The following USP47 variants were observed in gnomAD, a reference collection of about 807,000 sequenced individuals.
USP47 encodes the protein ubiquitin specific peptidase 47.
A neutral mutation model predicts 165.1 loss-of-function variants in USP47; 35 were observed. That is an observed-to-expected ratio of 0.21 (90% CI 0.16 to 0.28). The LOEUF is 0.28. USP47 is among the 10% of genes least tolerant of loss of function. The pLI is 1.00. For missense variants in USP47, 1,277 were observed against 1,607.4 expected, an observed-to-expected ratio of 0.79 and a Z score of 3.52; for synonymous variants, 531 against 544.5, an observed-to-expected ratio of 0.98 and a Z score of 0.35.
chr11:11,858,133 C>G (rs1337571381), intron 1 of USP47, among the ~76,000 whole-genome samples: 1 of 152,170 alleles, frequency 6.6e-6, no homozygotes, highest in Non-Finnish European at 1.5e-5. Flanking sequence ...AGTGTACTTT[C>G]GTTTTCAGTA....
intron 14 of USP47, among the ~76,000 whole-genome samples, chr11:11,931,838 T>A (rs1020211352): frequency 1.3e-5 from 2 of 152,148 alleles, no homozygotes; most frequent in Non-Finnish European, 2.9e-5. Flanking sequence ...ATGCTTTGAG[T>A]TACATATGAA....
rs1412552702 is a variant in USP47, at chr11:11,888,303, AATAG to A, written c.358-3661_358-3658del. ...GTTGGTTTTTTGAAAAAATTAATAAAATAGATAAACTGCTAGTTAGACTAATAAG... is the reference window on the plus strand; with the variant it reads ...GTTGGTTTTTTGAAAAAATTAATAAAATAAACTGCTAGTTAGACTAATAAG... On this transcript the variant is annotated intron_variant, in intron 3 of 27. Transcript: ENST00000527733. Among the ~76,000 whole-genome samples, 3 of 152,160 alleles carry A rather than the reference AATAG, an allele frequency of 2.0e-5. No individual in the cohort carries two copies. In the East Asian group the frequency reaches 5.8e-4, roughly 29 times the overall value.
rs754190982 is a variant in USP47 at position 11,954,873 on chromosome 11, CAAATA to C, written c.3715-19_3715-15del. 1 of 1,607,622 alleles carries C rather than the reference CAAATA, an allele frequency of 6.2e-7. No individual in the cohort carries two copies. Among genetic ancestry groups the C allele is most frequent in the South Asian group, 1.1e-5 (1 of 89,432 alleles). On this transcript the variant is annotated intron_variant, in intron 25 of 27. Transcript: ENST00000527733. ...AGCAAGTTAATTTTTTAAATGAACT[CAAATA>C]AAATGTTTTATTTTACAGCTTAGTG...
intron 1 of USP47, among the ~76,000 whole-genome samples, chr11:11,866,679 A>G (rs1382979810): frequency 2.6e-5 from 4 of 152,074 alleles, no homozygotes; most frequent in South Asian, 2.1e-4. Context: ...ATGATAATCT[A>G]TTGGTGACAG....
At chr11:11,908,793 G>C (rs1172962441) in intron 8 of USP47, among the ~76,000 whole-genome samples, 1 of 152,062 alleles carries the variant, frequency 6.6e-6, no homozygotes, top group Non-Finnish European at 1.5e-5. Flanking sequence ...ACTCATCCAA[G>C]TACGGAATCA....
At chr11:11,868,796 ATTT>A (rs1057490632) in intron 1 of USP47, among the ~76,000 whole-genome samples, 1 of 146,774 alleles carries the variant, frequency 6.8e-6, no homozygotes, top group South Asian at 2.1e-4. Flanking sequence ...TGATGTTGCT[ATTT>A]TTTTTTTATT....
intron 8 of USP47, among the ~76,000 whole-genome samples, chr11:11,908,514 T>A (rs1210967664): frequency 6.6e-6 from 1 of 152,044 alleles, no homozygotes. Context: ...TCAAATAAAT[T>A]AACTTGCAAA....
chr11:11,876,057 T>C (rs2134275795), intron 1 of USP47, among the ~76,000 whole-genome samples: 1 of 152,358 alleles, frequency 6.6e-6, no homozygotes, highest in Non-Finnish European at 1.5e-5. Flanking sequence ...AGTGTAATAT[T>C]GCTATGAGTT....
Position 11,903,358 on chromosome 11 carries a change from C to G in USP47, c.819+16C>G, listed in dbSNP as rs760428164. The G allele has an allele frequency of 6.9e-6, 11 of 1,602,350 alleles. No homozygotes were observed. The Admixed American group carries it at 1.7e-4, about 24-fold the overall frequency. On this transcript the variant is annotated intron_variant, in intron 7 of 27. Transcript: ENST00000527733. ...AACAGAACAGGTAATTTATATCTCT[C>G]AAATCAAGGGGACTGTTTCCTAATA...
At position 11,961,803 on chromosome 11, in the gene USP47, G is replaced by C. The variant is rs141532072; in HGVS notation, c.*5628G>C. ...CAGCTGTTGAGCAGTTTACCTGACGGCATCTGCCATGGCTTGGCAGGAACT... is the reference window on the plus strand; with the variant it reads ...CAGCTGTTGAGCAGTTTACCTGACGCCATCTGCCATGGCTTGGCAGGAACT... On this transcript the variant is annotated 3_prime_UTR_variant, in exon 28 of 28. Coordinates refer to ENST00000527733, the MANE Select transcript of USP47 (RefSeq NM_001282659.2). Among the ~76,000 whole-genome samples the C allele has an allele frequency of 8.6e-3, 1,303 of 152,362 alleles. 12 individuals carry two copies. Among genetic ancestry groups the C allele is most frequent in the African/African-American group, 0.03 (1,230 of 41,584 alleles).
intron 2 of USP47, among the ~76,000 whole-genome samples, chr11:11,881,278 G>A (rs1850809342): frequency 1.3e-5 from 2 of 152,068 alleles, no homozygotes; most frequent in African/African-American, 4.8e-5. Flanking sequence ...AGGGTTAGGA[G>A]CTGATCAGTA....
chr11:11,891,419 C>T (rs1209311761), intron 3 of USP47, among the ~76,000 whole-genome samples: 1 of 152,198 alleles, frequency 6.6e-6, no homozygotes, highest in Non-Finnish European at 1.5e-5. Context: ...TCATTAATTG[C>T]ATCATTTAGT....
intron 5 of USP47, among the ~76,000 whole-genome samples, chr11:11,902,363 A>G (rs1852284534): frequency 1.3e-5 from 2 of 152,192 alleles, no homozygotes; most frequent in Admixed American, 6.5e-5. Flanking sequence ...ATGCCGTAGT[A>G]TCTCACGTAA....
chr11:11,897,297 C>T (rs935016724), intron 4 of USP47, among the ~76,000 whole-genome samples: 1 of 151,584 alleles, frequency 6.6e-6, no homozygotes, highest in Non-Finnish European at 1.5e-5. Flanking sequence ...ATGTCTATGC[C>T]AGTAACACAT....
intron 14 of USP47, 31 bp from the exon 15 acceptor site, chr11:11,932,973 C>A (rs1219208990): frequency 2.6e-6 from 4 of 1,560,498 alleles, no homozygotes; most frequent in Non-Finnish European, 3.5e-6. Context: ...GTTTCAGTGA[C>A]ACTGTCTTAT....
At chr11:11,877,543 C>G (rs1219663068) in intron 1 of USP47, among the ~76,000 whole-genome samples, 1 of 152,020 alleles carries the variant, frequency 6.6e-6, no homozygotes, top group Non-Finnish European at 1.5e-5. Context: ...GTGTTCATCA[C>G]AGAATTATTT....
intron 3 of USP47, among the ~76,000 whole-genome samples, chr11:11,885,594 A>C (rs981497034): frequency 4.6e-5 from 7 of 152,130 alleles, no homozygotes; most frequent in Non-Finnish European, 8.8e-5. Context: ...AGCTATGTGG[A>C]ATCTTGGTAG....
intron 3 of USP47, among the ~76,000 whole-genome samples, chr11:11,887,119 T>C (rs115332221): frequency 0.011 from 1,693 of 152,126 alleles, 29 homozygotes; most frequent in African/African-American, 0.039. Context: ...TACCAGCCAG[T>C]ACAAAAATAC....
chr11:11,954,792 C>T (rs1856458855), intron 25 of USP47, 105 bp from the exon 26 acceptor site: 3 of 1,301,534 alleles, frequency 2.3e-6, no homozygotes, highest in South Asian at 1.4e-5. Context: ...TTACATGAAA[C>T]ATTTTTTAAA....
Sources: allele counts gnomAD v4.1 joint callset (sites outside exome capture counted in the v4.1 genomes callset), GRCh38; gene constraint gnomAD v4.1.1; transcripts MANE v1.5; gene names NCBI Gene and HGNC (gene_info 2026-07-23, HGNC 2026-07-21).